Variants in CIT observed in about 807,000 individuals in gnomAD.
The protein encoded by CIT is citron Rho-interacting kinase.
Under a neutral mutation model 272.7 loss-of-function variants are expected in CIT, and 79 were observed. That is an observed-to-expected ratio of 0.29 (90% CI 0.24 to 0.35). The LOEUF (loss-of-function observed/expected upper bound fraction) is 0.35, where lower values mean the gene tolerates loss of function less well. Ranked by LOEUF, CIT falls within the 10% of genes least tolerant of loss-of-function variation. CIT has a pLI of 1.00. For missense variants in CIT, 1,909 were observed against 2,618.3 expected, an observed-to-expected ratio of 0.73 and a Z score of 5.91; for synonymous variants, 948 against 995.6, an observed-to-expected ratio of 0.95 and a Z score of 0.90.
At chr12:119,760,357 G>T (rs1429415597) in intron 20 of CIT, among the ~76,000 whole-genome samples, 1 of 151,568 alleles carries the variant, frequency 6.6e-6, no homozygotes, top group Non-Finnish European at 1.5e-5. Flanking sequence ...GTAGGGCCAG[G>T]AGTGGTGGCC....
At chr12:119,827,432 T>C (rs1011037629) in intron 7 of CIT, among the ~76,000 whole-genome samples, 1 of 125,818 alleles carries the variant, frequency 7.9e-6, no homozygotes, top group Non-Finnish European at 1.6e-5. Context: ...GCACCAACAA[T>C]AACCAATAGA....
At chr12:119,749,953 C>T (rs764942702) in intron 23 of CIT, among the ~76,000 whole-genome samples, 1 of 152,178 alleles carries the variant, frequency 6.6e-6, no homozygotes, top group East Asian at 1.9e-4. Context: ...CACAGTCACC[C>T]CTCCTTCCCA....
Position 119,784,309 on chromosome 12 carries a change from GAAGCCACA to G in CIT, c.1402-266_1402-259del. On this transcript the variant is annotated intron_variant, in intron 11 of 47. Transcript: ENST00000392521. The surrounding 1 kb of genome is among the most constrained non-coding windows in gnomAD (Gnocchi z 4.7). ...TCACTTCTCTAACCCAGTTAGCAAGGAAGCCACAATCATCATTTTTCACCTGTTTGCTT... is the reference window on the plus strand; with the variant it reads ...TCACTTCTCTAACCCAGTTAGCAAGGATCATCATTTTTCACCTGTTTGCTT... 2 of 1,496,582 alleles carry G rather than the reference GAAGCCACA, an allele frequency of 1.3e-6. No individual in the cohort carries two copies. The highest frequency in any genetic ancestry group is 1.8e-6 in the Non-Finnish European group (2 of 1,112,188). 92.7% of individuals were successfully genotyped at this position (1,496,582 alleles called of 1,614,324 possible).
intron 12 of CIT, chr12:119,783,377 A>G (rs1254792253): frequency 6.6e-6 from 1 of 152,372 alleles, no homozygotes; most frequent in East Asian, 1.9e-4. Context: ...TAACAAGACA[A>G]TGGAGAAGAA....
chr12:119,809,561 G>C (rs1214495716), intron 9 of CIT, among the ~76,000 whole-genome samples: 1 of 152,130 alleles, frequency 6.6e-6, no homozygotes, highest in East Asian at 1.9e-4. Context: ...TTGAAAAACA[G>C]AATCTCTCTC....
In CIT at chr12:119,704,452, C is replaced by T; in HGVS notation, c.5215G>A (p.Glu1739Lys). The change falls in exon 41 of 48, where the codon GAG becomes AAG. Residue 1739 changes from glutamate (E) to lysine (K), a missense_variant. Glu to Lys is a moderately conservative substitution (Grantham distance 56, BLOSUM62 1). Around this residue, in one of 8 missense-constraint regions of CIT, gnomAD observed 780 missense variants for 1,067.2 expected, o/e 0.73. Coordinates refer to ENST00000392521, the MANE Select transcript of CIT (RefSeq NM_001206999.2). The stretch of plus-strand genomic sequence containing the variant: ...GCTGCACAGATGCAGAGCCCGTTCT[C>T]AATCTGAAAAGCAACCAAGAAAAGA... ...GCHLFGAGKI[E>K]NGLCICAAMP... 2 of 1,613,844 alleles carry T rather than the reference C, an allele frequency of 1.2e-6. No homozygotes were observed. The highest frequency in any genetic ancestry group is 1.7e-6 in the Non-Finnish European group (2 of 1,179,816).
At chr12:119,824,192 T>C (rs1263581312) in intron 8 of CIT, among the ~76,000 whole-genome samples, 1 of 150,232 alleles carries the variant, frequency 6.7e-6, no homozygotes, top group Non-Finnish European at 1.5e-5. Context: ...CATTTCCTCA[T>C]TCAATTGTAA....
Position 119,869,220 on chromosome 12 carries a change from A to T in CIT, c.97-19T>A, listed in dbSNP as rs1377500861. Reference sequence around the variant, plus strand: ...GTTTCCCCTAAAAACAGCAAACAGCAGATGGAGACACTGTCAATAATGAAA... The same window carrying T: ...GTTTCCCCTAAAAACAGCAAACAGCTGATGGAGACACTGTCAATAATGAAA... On this transcript the variant is annotated intron_variant, in intron 2 of 47. Transcript: ENST00000392521. 6.3e-7 allele frequency: 1 copy of T among 1,584,230 alleles called. No homozygotes were observed. The highest frequency in any genetic ancestry group is 1.4e-5 in the African/African-American group (1 of 72,924).
At chr12:119,794,220 C>T (rs1965541686) in intron 10 of CIT, among the ~76,000 whole-genome samples, 1 of 152,178 alleles carries the variant, frequency 6.6e-6, no homozygotes, top group South Asian at 2.1e-4. Flanking sequence ...AAGACCTTAC[C>T]TGTCTTGCTC....
At chr12:119,862,832 A>AAAAAAAAAAAAAAGAAAAAAAAG (rs1950390006) in intron 3 of CIT, among the ~76,000 whole-genome samples, 1 of 135,564 alleles carries the variant, frequency 7.4e-6, no homozygotes, top group African/African-American at 3.1e-5. Context: ...AAAAAAAAAA[A>AAAAAAAAAAAAAAGAAAAAAAAG]AAAAAAAAGA....
intron 28 of CIT, among the ~76,000 whole-genome samples, chr12:119,724,417 T>C (rs1957974495): frequency 6.6e-6 from 1 of 152,104 alleles, no homozygotes; most frequent in Non-Finnish European, 1.5e-5. Flanking sequence ...TAGGTAAAAG[T>C]GGAAGGTTTT....
intron 20 of CIT, among the ~76,000 whole-genome samples, chr12:119,759,321 G>A (rs1463315641): frequency 6.6e-6 from 1 of 152,212 alleles, no homozygotes; most frequent in Non-Finnish European, 1.5e-5. Flanking sequence ...CTGCGCAAGC[G>A]AGGGATCGAG....
At chr12:119,812,740 TC>T (rs1226014642) in intron 9 of CIT, among the ~76,000 whole-genome samples, 7 of 131,812 alleles carry the variant, frequency 5.3e-5, no homozygotes, top group African/African-American at 2.0e-4. Flanking sequence ...AAAGATTTAT[TC>T]TTAATTTTTT....
At chr12:119,840,129 C>A (rs1015830669) in intron 5 of CIT, among the ~76,000 whole-genome samples, 2 of 152,182 alleles carry the variant, frequency 1.3e-5, no homozygotes, top group African/African-American at 4.8e-5. Context: ...CCAGCCTGAG[C>A]AACACAGTGA....
At position 119,815,037 on chromosome 12, in the gene CIT, CAA is replaced by C. The variant is rs140981194; in HGVS notation, c.1111+7781_1111+7782del. 7.4e-3 allele frequency among the ~76,000 whole-genome samples: 437 copies of C among 58,882 alleles called. 22 individuals are homozygous for C. The Admixed American group carries it at 0.075, about 10-fold the overall frequency. 38.6% of individuals were successfully genotyped at this position (58,882 alleles called of 152,430 possible). A position where few individuals can be genotyped will look rare whatever the true frequency, so the allele number is the denominator to read the frequency against. ...TGGCTGACAGAGGAAGACTCTGTCT[CAA>C]AAAAAAAAAAAAAAAGGGCCCAAAA... On this transcript the variant is annotated intron_variant, in intron 9 of 47. Transcript: ENST00000392521.
chr12:119,861,611 A>G lies in CIT; in HGVS notation c.239-3913T>C, dbSNP rs1451735172. The stretch of plus-strand genomic sequence containing the variant: ...TCAAAAAAAAAAAAGAAAAGAAAAG[A>G]AAAGAAAATGCAATCAGAGAATAAC... On this transcript the variant is annotated intron_variant, in intron 3 of 47. Coordinates refer to ENST00000392521, the MANE Select transcript of CIT (RefSeq NM_001206999.2). Among the ~76,000 whole-genome samples, 5 of 152,174 alleles carry G rather than the reference A, an allele frequency of 3.3e-5. No individual in the cohort carries two copies. In the East Asian group the frequency reaches 7.7e-4, roughly 23 times the overall value.
Position 119,700,842 on chromosome 12 carries a change from G to A in CIT, c.5543-17C>T, listed in dbSNP as rs760792661. The A allele has an allele frequency of 6.2e-7, 1 of 1,608,104 alleles. No individual in the cohort carries two copies. The highest frequency in any genetic ancestry group is 1.7e-5 in the Admixed American group (1 of 59,980). On this transcript the variant is annotated splice_polypyrimidine_tract_variant and intron_variant, in intron 43 of 47. Coordinates refer to ENST00000392521, the MANE Select transcript of CIT (RefSeq NM_001206999.2). ...CTCCAAATTCTGCAAGGTGTCAAGA[G>A]CACGTGGGCATTAGCACAGCCAAGA...
At chr12:119,865,774 G>T (rs960085168) in intron 3 of CIT, among the ~76,000 whole-genome samples, 1 of 151,476 alleles carries the variant, frequency 6.6e-6, no homozygotes. Context: ...GGAGGCTGAG[G>T]CAGGAGAATC....
intron 24 of CIT, among the ~76,000 whole-genome samples, 164 bp from the exon 25 acceptor site, chr12:119,735,521 C>A (rs1876539793): frequency 6.6e-6 from 1 of 152,188 alleles, no homozygotes; most frequent in Non-Finnish European, 1.5e-5. Context: ...CTCCTATGCC[C>A]AGCCACTTAA....
Sources: allele counts gnomAD v4.1 joint callset (sites outside exome capture counted in the v4.1 genomes callset), GRCh38; gene constraint gnomAD v4.1.1; regional missense constraint gnomAD v4.1.1; non-coding constraint Gnocchi (gnomAD v3.1); transcripts MANE v1.5; gene names NCBI Gene and HGNC (gene_info 2026-07-23, HGNC 2026-07-21).